PRKCZ: variants seen among roughly 807,000 people sequenced by gnomAD.
PRKCZ encodes protein kinase C zeta.
In PRKCZ, 33 loss-of-function variants were observed where a neutral mutation model predicts 79.5. The observed-to-expected ratio is 0.41, with a 90% confidence interval of 0.31 to 0.55. The LOEUF (loss-of-function observed/expected upper bound fraction) is 0.55. PRKCZ is among the 20% of genes least tolerant of loss of function. The pLI is 0.19. For missense variants in PRKCZ, 578 were observed against 813.5 expected, an observed-to-expected ratio of 0.71 and a Z score of 3.52; for synonymous variants, 342 against 320.9, an observed-to-expected ratio of 1.07 and a Z score of -0.70.
chr1:2,108,932 C>T (rs1235234459), intron 4 of PRKCZ, among the ~76,000 whole-genome samples: 11 of 152,182 alleles, frequency 7.2e-5, no homozygotes, highest in Admixed American at 2.6e-4. Flanking sequence ...AGGGAGACCC[C>T]GTTTCCCGCC....
Position 2,144,785 on chromosome 1 carries a change from C to T in PRKCZ, c.552+444C>T, listed in dbSNP as rs150009911. 547 of 296,442 alleles carry T rather than the reference C, an allele frequency of 1.8e-3. 4 individuals carry two copies. The highest frequency in any genetic ancestry group is 0.012 in the African/African-American group (514 of 44,224). 18.4% of individuals were successfully genotyped at this position (296,442 alleles called of 1,614,324 possible). A position where few individuals can be genotyped will look rare whatever the true frequency, so the allele number is the denominator to read the frequency against. ...GCCCAGCCTGTGATGAGGGCGGCAC[C>T]TTCCCTCCGCCATCCCCGAGTGCTT... On this transcript the variant is annotated intron_variant, in intron 6 of 17. Coordinates refer to ENST00000378567, the MANE Select transcript of PRKCZ (RefSeq NM_002744.6).
chr1:2,181,826 C>T (rs1380630618), intron 16 of PRKCZ: 2 of 455,966 alleles, frequency 4.4e-6, no homozygotes, highest in African/African-American at 2.0e-5. Context: ...CACATTTTAT[C>T]GGCAGGTGTT....
At chr1:2,109,339 G>A (rs958535631) in intron 4 of PRKCZ, among the ~76,000 whole-genome samples, 14 of 152,310 alleles carry the variant, frequency 9.2e-5, no homozygotes, top group African/African-American at 2.9e-4. Flanking sequence ...GGCGATGGTC[G>A]GGGGGCACCT....
At chr1:2,083,040 T>A (rs186519525) in intron 4 of PRKCZ, among the ~76,000 whole-genome samples, 39 of 152,260 alleles carry the variant, frequency 2.6e-4, no homozygotes, top group African/African-American at 9.4e-4. Context: ...AACAGGAAGT[T>A]ACATTTAGGG....
chr1:2,142,526 G>A (rs1323823212), intron 5 of PRKCZ: 4 of 301,514 alleles, frequency 1.3e-5, no homozygotes, highest in African/African-American at 2.3e-5. Flanking sequence ...TCCCAATGCC[G>A]GCATTAAGCT....
chr1:2,109,688 G>T (rs977308575), intron 4 of PRKCZ, among the ~76,000 whole-genome samples: 3 of 152,188 alleles, frequency 2.0e-5, no homozygotes, highest in African/African-American at 7.2e-5. Context: ...TCCGGAAGGC[G>T]GTGCTAGGTC....
chr1:2,134,378 G>A (rs926762320), intron 4 of PRKCZ, among the ~76,000 whole-genome samples: 6 of 152,140 alleles, frequency 3.9e-5, no homozygotes, highest in African/African-American at 7.2e-5. Flanking sequence ...CATGAAAGTC[G>A]CTTTTATGAT....
At chr1:2,061,641 C>T (rs1039253169) in intron 4 of PRKCZ, among the ~76,000 whole-genome samples, 2 of 152,104 alleles carry the variant, frequency 1.3e-5, no homozygotes, top group African/African-American at 2.4e-5. Context: ...CAGCCTTTGC[C>T]GAGGAGGTCA....
chr1:2,123,327 T>C lies in PRKCZ; in HGVS notation c.335-11935T>C, dbSNP rs1324361064. The stretch of plus-strand genomic sequence containing the variant: ...GTCACGGTGGTGGTTAGGGTCATGG[T>C]GGTGGTTAGGGTCACGGTGGTGGTT... On this transcript the variant is annotated intron_variant, in intron 4 of 17. Transcript: ENST00000378567. Among the ~76,000 whole-genome samples the C allele has an allele frequency of 6.7e-5, 2 of 29,786 alleles. 1 individual carries two copies. Among genetic ancestry groups the C allele is most frequent in the Non-Finnish European group, 1.1e-4 (2 of 17,570 alleles). 19.5% of individuals were successfully genotyped at this position (29,786 alleles called of 152,430 possible). A position where few individuals can be genotyped will look rare whatever the true frequency, so the allele number is the denominator to read the frequency against.
chr1:2,072,089 G>A (rs1432247375), intron 4 of PRKCZ, among the ~76,000 whole-genome samples: 2 of 152,330 alleles, frequency 1.3e-5, no homozygotes, highest in Middle Eastern at 6.8e-3. Context: ...CCATAGATTT[G>A]GGAAGTCGAG....
intron 4 of PRKCZ, among the ~76,000 whole-genome samples, chr1:2,083,976 A>G (rs1456147236): frequency 6.6e-6 from 1 of 152,130 alleles, no homozygotes; most frequent in African/African-American, 2.4e-5. Flanking sequence ...TCACGCCTGT[A>G]GTCCCAGCAC....
At chr1:2,126,391 G>T (rs1393962325) in intron 4 of PRKCZ, among the ~76,000 whole-genome samples, 14 of 152,114 alleles carry the variant, frequency 9.2e-5, no homozygotes, top group Admixed American at 9.2e-4. Flanking sequence ...CAGGTGATGG[G>T]CAGGTCCCCC....
rs553971478 is a variant in PRKCZ, at chr1:2,172,697, G to A, written c.1285+309G>A. Among the ~76,000 whole-genome samples the A allele has an allele frequency of 2.0e-5, 3 of 152,228 alleles. No homozygotes were observed. Among genetic ancestry groups the A allele is most frequent in the South Asian group, 4.1e-4 (2 of 4,832 alleles). On this transcript the variant is annotated intron_variant, in intron 13 of 17. Transcript: ENST00000378567. This position sits in a 1 kb window ranked among gnomAD's most constrained non-coding sequence, Gnocchi z 7.8. ...GACAGGGTGCAGCACCTGAGTCCCC[G>A]TGCTGCACGAGTGGCTGGGGGAGAA...
chr1:2,174,853 G>T lies in PRKCZ; in HGVS notation c.1485+20G>T. On this transcript the variant is annotated intron_variant, in intron 15 of 17. Transcript: ENST00000378567. This position sits in a 1 kb window ranked among gnomAD's most constrained non-coding sequence, Gnocchi z 6.2. ...AATAAGGTACGTTTCTGGCCATGCT[G>T]ACAAAATCTCGTTTGTGGCCTCGGT... 1 of 1,610,658 alleles carries T rather than the reference G, an allele frequency of 6.2e-7. No individual in the cohort carries two copies. The highest frequency in any genetic ancestry group is 1.1e-5 in the South Asian group (1 of 90,982).
rs570749738 is a variant in PRKCZ at position 2,062,084 on chromosome 1, C to G, written c.334+2493C>G. ...GCCTGGTTCAGACGGCTGGACGTGC[C>G]TGTCTCACCGTCAGCAGAGGACCTT... is the stretch of plus-strand genomic sequence containing the variant. On this transcript the variant is annotated intron_variant, in intron 4 of 17. Coordinates refer to ENST00000378567, the MANE Select transcript of PRKCZ (RefSeq NM_002744.6). Among the ~76,000 whole-genome samples, 14 of 152,168 alleles carry G rather than the reference C, an allele frequency of 9.2e-5. 1 individual carries two copies. The South Asian group carries it at 2.1e-3, about 23-fold the overall frequency.
rs74705360 is a variant in PRKCZ at position 2,084,018 on chromosome 1, G to C, written c.334+24427G>C. 3.2e-3 allele frequency among the ~76,000 whole-genome samples: 483 copies of C among 152,286 alleles called. 23 individuals carry two copies. The East Asian group carries it at 0.079, about 25-fold the overall frequency. Reference sequence around the variant, plus strand: ...AGACCGAAGCGGGCAGATCACTTGAGGTCAGGAGTTCGAGACCAGCCTGGC... The same window carrying C: ...AGACCGAAGCGGGCAGATCACTTGACGTCAGGAGTTCGAGACCAGCCTGGC... On this transcript the variant is annotated intron_variant, in intron 4 of 17. Coordinates refer to ENST00000378567, the MANE Select transcript of PRKCZ (RefSeq NM_002744.6).
At chr1:2,155,212 T>G (rs887168808) in intron 9 of PRKCZ, among the ~76,000 whole-genome samples, 2 of 150,650 alleles carry the variant, frequency 1.3e-5, no homozygotes, top group Non-Finnish European at 3.0e-5. Context: ...ATGATGGCGG[T>G]GATGATGGTG....
chr1:2,174,927 G>T lies in PRKCZ; in HGVS notation c.1485+94G>T. On this transcript the variant is annotated intron_variant, in intron 15 of 17. Transcript: ENST00000378567. The surrounding 1 kb of genome is among the most constrained non-coding windows in gnomAD (Gnocchi z 6.2). ...CGGCTGTTGGCCATTTTTTCATGTCGGCTGCTGTGTATCGGGTGTGTGGGT... is the reference window on the plus strand; with the variant it reads ...CGGCTGTTGGCCATTTTTTCATGTCTGCTGCTGTGTATCGGGTGTGTGGGT... 7.7e-7 allele frequency: 1 copy of T among 1,305,460 alleles called. No homozygotes were observed. The highest frequency in any genetic ancestry group is 1.1e-6 in the Non-Finnish European group (1 of 909,574). 80.9% of individuals were successfully genotyped at this position (1,305,460 alleles called of 1,614,324 possible). A position where few individuals can be genotyped will look rare whatever the true frequency, so the allele number is the denominator to read the frequency against.
chr1:2,059,316 G>A lies in PRKCZ; in HGVS notation c.284-225G>A, dbSNP rs1471561535. On this transcript the variant is annotated intron_variant, in intron 3 of 17. Coordinates refer to ENST00000378567, the MANE Select transcript of PRKCZ (RefSeq NM_002744.6). Reference sequence around the variant, plus strand: ...ATGGCTTTGCTGTCCAGGTCCCTCTGATTGCCTTTTACTCTAAGTTTTTCC... The same window carrying A: ...ATGGCTTTGCTGTCCAGGTCCCTCTAATTGCCTTTTACTCTAAGTTTTTCC... 2.0e-5 allele frequency among the ~76,000 whole-genome samples: 3 copies of A among 152,250 alleles called. No homozygotes were observed. In the East Asian group the frequency reaches 5.8e-4, roughly 29 times the overall value.
Sources: allele counts gnomAD v4.1 joint callset (sites outside exome capture counted in the v4.1 genomes callset), GRCh38; gene constraint gnomAD v4.1.1; non-coding constraint Gnocchi (gnomAD v3.1); transcripts MANE v1.5; gene names NCBI Gene and HGNC (gene_info 2026-07-23, HGNC 2026-07-21).